POLR2M: variants seen among roughly 807,000 people sequenced by gnomAD.
POLR2M encodes the protein protein GRINL1A.
A neutral mutation model predicts 34.6 loss-of-function variants in POLR2M; 30 were observed. The ratio of observed to expected loss-of-function variants is 0.87; its 90% CI spans 0.65 to 1.18. The LOEUF is 1.18. POLR2M is among the 50% of genes most tolerant of loss of function. The pLI, the probability that POLR2M is intolerant of heterozygous loss-of-function variation, is 0.00. For synonymous variants in POLR2M, 150 were observed against 166.7 expected (o/e 0.90, Z 0.77); for missense variants, 432 against 448.7 (o/e 0.96, Z 0.34).
intron 2 of POLR2M, among the ~76,000 whole-genome samples, chr15:57,711,416 C>T (rs1316003941): frequency 6.6e-6 from 1 of 152,194 alleles, no homozygotes; most frequent in Non-Finnish European, 1.5e-5. Context: ...TAGGCTACTT[C>T]CCAGCCCTCT....
chr15:57,712,834 T>G (rs1246320004), intron 3 of POLR2M, among the ~76,000 whole-genome samples: 1 of 152,100 alleles, frequency 6.6e-6, no homozygotes, highest in African/African-American at 2.4e-5. Flanking sequence ...TGGGAGAAAA[T>G]AAGTGTGAAG....
Position 57,714,772 on chromosome 15 carries a change from G to C in POLR2M, c.*93G>C. On this transcript the variant is annotated 3_prime_UTR_variant, in exon 4 of 4. Transcript: ENST00000299638. ...AGATCAGTGTCAGATATTGTTGAGG[G>C]AAGTAATTTTATAAAGTTACACAAA... The C allele has an allele frequency of 6.5e-7, 1 of 1,528,092 alleles. No individual in the cohort carries two copies. Among genetic ancestry groups the C allele is most frequent in the East Asian group, 2.4e-5 (1 of 42,418 alleles). 94.7% of individuals were successfully genotyped at this position (1,528,092 alleles called of 1,614,324 possible).
chr15:57,708,733 C>G lies in POLR2M; in HGVS notation c.133C>G (p.Pro45Ala). 1 of 1,585,252 alleles carries G rather than the reference C, an allele frequency of 6.3e-7. No homozygotes were observed. The highest frequency in any genetic ancestry group is 8.6e-7 in the Non-Finnish European group (1 of 1,169,482). Residue 45 changes from proline (P) to alanine (A), a missense_variant, in exon 2 of 4, where the codon CCC (proline) becomes GCC (alanine). Transcript: ENST00000299638. ...TGACAGAAAATTCATTTGCAAATTGCCCGACAAAGGTAAAAAGATCTTTGA... is the reference window on the plus strand; with the variant it reads ...TGACAGAAAATTCATTTGCAAATTGGCCGACAAAGGTAAAAAGATCTTTGA... ...LRNEKFICKL[P>A]DKGKKIFDSF...
At chr15:57,707,603 T>G (rs2040546844) in intron 1 of POLR2M, 2 of 449,394 alleles carry the variant, frequency 4.5e-6, no homozygotes, top group South Asian at 3.1e-5. Context: ...GGGAGAACTT[T>G]TAAGCATGGA....
At position 57,713,820 on chromosome 15, in the gene POLR2M, C is replaced by CTTTT. The variant is rs869161314; in HGVS notation, c.964-680_964-677dup. Among the ~76,000 whole-genome samples, 46 of 65,636 alleles carry CTTTT rather than the reference C, an allele frequency of 7.0e-4. 3 individuals are homozygous for CTTTT. Among genetic ancestry groups the CTTTT allele is most frequent in the East Asian group, 3.2e-3 (5 of 1,548 alleles). The allele number at this position is 65,636 out of a possible 152,430, so 43.1% of individuals were successfully genotyped here. On this transcript the variant is annotated intron_variant, in intron 3 of 3. Transcript: ENST00000299638. ...AGAAATCTAGACAGCATTAGTCCTT[C>CTTTT]TTTTTTTTTTTTTTTTTTTTTTTTT...
rs2040945262 is a variant in POLR2M at position 57,716,429 on chromosome 15, T to C, written c.*1750T>C. 1 of 152,270 alleles carries C rather than the reference T, an allele frequency of 6.6e-6. No homozygotes were observed. The highest frequency in any genetic ancestry group is 2.1e-4 in the South Asian group (1 of 4,838). 9.4% of individuals were successfully genotyped at this position (152,270 alleles called of 1,614,324 possible). ...GATACCGCTCTAAAAATGAAATTGT[T>C]AGGTGAAAGTGTTTTTGAGAATTTT... On this transcript the variant is annotated 3_prime_UTR_variant, in exon 4 of 4. Transcript: ENST00000299638.
At chr15:57,707,117 C>T in intron 1 of POLR2M, 162 bp downstream of exon 1, 2 of 1,543,772 alleles carry the variant, frequency 1.3e-6, no homozygotes, top group South Asian at 2.4e-5. Context: ...CTTGCTGCGG[C>T]AGAGCCGTGC....
chr15:57,708,705 A>G lies in POLR2M; in HGVS notation c.114-9A>G, dbSNP rs530897571. On this transcript the variant is annotated splice_polypyrimidine_tract_variant and intron_variant, in intron 1 of 3. Transcript: ENST00000299638. ...CTGTAATGTAATAGTATTCTTTTCC[A>G]TTTGACAGAAAATTCATTTGCAAAT... 142 of 1,567,400 alleles carry G rather than the reference A, an allele frequency of 9.1e-5. 3 individuals are homozygous for G. In the South Asian group the frequency reaches 1.6e-3, roughly 18 times the overall value.
In POLR2M at chr15:57,714,836, T is replaced by A; in HGVS notation, c.*157T>A. On this transcript the variant is annotated 3_prime_UTR_variant, in exon 4 of 4. Coordinates refer to ENST00000299638, the MANE Select transcript of POLR2M (RefSeq NM_015532.5). ...AAAGCCCAGTTTGTCTTTCAGAAGG[T>A]GACTTTCATGTGCTTGAAAAGTTTA... is the stretch of plus-strand genomic sequence containing the variant. 2 of 1,216,768 alleles carry A rather than the reference T, an allele frequency of 1.6e-6. No individual in the cohort carries two copies. The highest frequency in any genetic ancestry group is 2.3e-6 in the Non-Finnish European group (2 of 886,204). The allele number at this position is 1,216,768 out of a possible 1,614,324, so 75.4% of individuals were successfully genotyped here. A position where few individuals can be genotyped will look rare whatever the true frequency, so the allele number is the denominator to read the frequency against.
At chr15:57,707,036 G>T in intron 1 of POLR2M, 81 bp downstream of exon 1, 2 of 1,551,784 alleles carry the variant, frequency 1.3e-6, no homozygotes, top group South Asian at 1.2e-5. Context: ...CCCGCACTCT[G>T]TTCCCTTCCC....
chr15:57,713,189 C>A (rs1349185860), intron 3 of POLR2M, among the ~76,000 whole-genome samples: 1 of 96,948 alleles, frequency 1.0e-5, no homozygotes, highest in Non-Finnish European at 2.2e-5. Flanking sequence ...CAGAGTGAGA[C>A]CCTGTCTCAA....
rs1306616396 is a variant in POLR2M, at chr15:57,711,112, C to G, written c.759-872C>G. Reference sequence around the variant, plus strand: ...CTGCAGTTTCTTTCCAAGGTGATTTCCATATTCCCTAATAGTGCCACCACC... The same window carrying G: ...CTGCAGTTTCTTTCCAAGGTGATTTGCATATTCCCTAATAGTGCCACCACC... On this transcript the variant is annotated intron_variant, in intron 2 of 3. Transcript: ENST00000299638. Among the ~76,000 whole-genome samples, 3 of 152,262 alleles carry G rather than the reference C, an allele frequency of 2.0e-5. 1 individual carries two copies. The East Asian group carries it at 5.8e-4, about 29-fold the overall frequency.
At chr15:57,713,314 A>G (rs1321122148) in intron 3 of POLR2M, among the ~76,000 whole-genome samples, 3 of 152,176 alleles carry the variant, frequency 2.0e-5, no homozygotes, top group Non-Finnish European at 4.4e-5. Context: ...CTTTCAGTGC[A>G]TTAAAATGAC....
intron 3 of POLR2M, 73 bp from the exon 4 acceptor site, chr15:57,714,463 G>C (rs1214431745): frequency 3.1e-6 from 5 of 1,588,980 alleles, no homozygotes; most frequent in Non-Finnish European, 4.3e-6. Context: ...CTGATTCTAG[G>C]TAACTTCCCA....
intron 3 of POLR2M, among the ~76,000 whole-genome samples, chr15:57,713,133 G>T (rs2040803331): frequency 2.0e-5 from 3 of 151,696 alleles, no homozygotes; most frequent in Admixed American, 1.3e-4. Flanking sequence ...GGTCGAGGCT[G>T]CAGTGAGCCG....
chr15:57,707,136 G>T (rs1231643468), intron 1 of POLR2M, 181 bp downstream of exon 1: 1 of 1,534,638 alleles, frequency 6.5e-7, no homozygotes, highest in Non-Finnish European at 8.8e-7. Flanking sequence ...GCCTCTTCCT[G>T]GCCAGGCACG....
At chr15:57,708,688 T>C in intron 1 of POLR2M, 26 bp from the exon 2 acceptor site, 1 of 1,537,662 alleles carries the variant, frequency 6.5e-7, no homozygotes, top group East Asian at 2.3e-5. Context: ...GGCTGTAATG[T>C]AATAGTATTC....
At position 57,706,749 on chromosome 15, in the gene POLR2M, C is replaced by T. The variant is rs777458448; in HGVS notation, c.-94C>T. Reference sequence around the variant, plus strand: ...GAAAATGGCGACTCCCGCTCGTGCCCCGGAGTCACCGCCGTCCGCGGATCC... The same window carrying T: ...GAAAATGGCGACTCCCGCTCGTGCCTCGGAGTCACCGCCGTCCGCGGATCC... On this transcript the variant is annotated 5_prime_UTR_variant, in exon 1 of 4. Transcript: ENST00000299638. 2.8e-5 allele frequency: 40 copies of T among 1,422,226 alleles called. No individual in the cohort carries two copies. Among genetic ancestry groups the T allele is most frequent in the South Asian group, 9.3e-5 (7 of 75,432 alleles). The allele number at this position is 1,422,226 out of a possible 1,614,324, so 88.1% of individuals were successfully genotyped here.
intron 3 of POLR2M, 138 bp downstream of exon 3, chr15:57,712,326 T>A: frequency 2.0e-6 from 2 of 1,025,046 alleles, no homozygotes; most frequent in South Asian, 1.7e-5. Context: ...GCCACTAGTT[T>A]TCAGAGAGTC....
Sources: allele counts gnomAD v4.1 joint callset (sites outside exome capture counted in the v4.1 genomes callset), GRCh38; gene constraint gnomAD v4.1.1; transcripts MANE v1.5; gene names NCBI Gene and HGNC (gene_info 2026-07-23, HGNC 2026-07-21).